Variants in RIC1 observed in about 807,000 individuals in gnomAD.
RIC1 encodes guanine nucleotide exchange factor subunit RIC1.
In RIC1, 88 loss-of-function variants were observed where a neutral mutation model predicts 169.0. That is an observed-to-expected ratio of 0.52 (90% confidence interval 0.44 to 0.62). The LOEUF (loss-of-function observed/expected upper bound fraction) is 0.62, where lower values mean the gene tolerates loss of function less well. RIC1 is among the 20% of genes least tolerant of loss of function. The pLI, the probability that RIC1 is intolerant of heterozygous loss-of-function variation, is 0.00. For synonymous variants in RIC1, 790 were observed against 601.5 expected (o/e 1.31, Z -4.59); for missense variants, 1,877 against 1,725.5 (o/e 1.09, Z -1.56).
chr9:5,690,206 A>G (rs988848980), intron 3 of RIC1, among the ~76,000 whole-genome samples, 168 bp downstream of exon 3: 2 of 152,182 alleles, frequency 1.3e-5, no homozygotes, highest in East Asian at 1.9e-4. Context: ...TCTTGAATAA[A>G]GAATTCTTTA....
At position 5,772,976 on chromosome 9, in the gene RIC1, C is replaced by T; in HGVS notation, c.3879C>T (p.Ile1293=). 1 of 1,613,532 alleles carries T rather than the reference C, an allele frequency of 6.2e-7. No homozygotes were observed. Among genetic ancestry groups the T allele is most frequent in the Non-Finnish European group, 8.5e-7 (1 of 1,179,620 alleles). ...IGLILRESSI[I]NQILVITQSS... ...TGATTCTTAGAGAATCCTCAATAATCAATCAGATTTTGGTTATTACACAGT... is the reference window on the plus strand; with the variant it reads ...TGATTCTTAGAGAATCCTCAATAATTAATCAGATTTTGGTTATTACACAGT... The change falls in exon 25 of 26, where the codon ATC becomes ATT. Residue 1293 remains isoleucine (I), a synonymous_variant. Transcript: ENST00000414202.
At chr9:5,679,602 A>T (rs1820686988) in intron 2 of RIC1, among the ~76,000 whole-genome samples, 1 of 152,066 alleles carries the variant, frequency 6.6e-6, no homozygotes, top group Non-Finnish European at 1.5e-5. Context: ...CTTTGAAGCA[A>T]TTGTGAATGG....
rs369082560 is a variant in RIC1, at chr9:5,659,905, G to A, written c.252+3215G>A. ...GTGGGTTTGTTGCATAGGTAAACAT[G>A]TGCTATGGTGGTTTCCTTGCACAGA... On this transcript the variant is annotated intron_variant, in intron 2 of 25. Transcript: ENST00000414202. 1.9e-4 allele frequency among the ~76,000 whole-genome samples: 29 copies of A among 152,194 alleles called. No homozygotes were observed. The South Asian group carries it at 5.8e-3, about 30-fold the overall frequency.
chr9:5,733,637 G>A (rs1587060214), intron 7 of RIC1, among the ~76,000 whole-genome samples: 1 of 151,956 alleles, frequency 6.6e-6, no homozygotes, highest in South Asian at 2.1e-4. Context: ...TGTAAAGTAG[G>A]GAATCCTCAT....
chr9:5,664,948 T>C (rs1819662993), intron 2 of RIC1, among the ~76,000 whole-genome samples: 2 of 152,260 alleles, frequency 1.3e-5, no homozygotes, highest in Admixed American at 1.3e-4. Flanking sequence ...AGTATGTTTC[T>C]GAGCTCTAAC....
chr9:5,651,650 A>G (rs1586882470), intron 1 of RIC1, among the ~76,000 whole-genome samples: 1 of 130,672 alleles, frequency 7.7e-6, no homozygotes, highest in South Asian at 2.4e-4. Context: ...TTCAACCTCC[A>G]CCTCCTGGGT....
chr9:5,710,608 T>A (rs1233236797), intron 3 of RIC1, among the ~76,000 whole-genome samples: 1 of 152,204 alleles, frequency 6.6e-6, no homozygotes, highest in Non-Finnish European at 1.5e-5. Context: ...GACTAAACAT[T>A]GTTAGCCATT....
At chr9:5,686,569 T>C (rs575537171) in intron 2 of RIC1, among the ~76,000 whole-genome samples, 10 of 141,002 alleles carry the variant, frequency 7.1e-5, no homozygotes, top group Admixed American at 1.6e-4. Context: ...TAGGTGGGAA[T>C]TGAACAATGA....
intron 2 of RIC1, among the ~76,000 whole-genome samples, chr9:5,667,504 C>CTTTTTT (rs1171999345): frequency 1.5e-5 from 2 of 131,206 alleles, no homozygotes; most frequent in East Asian, 2.1e-4. Context: ...CCACCGCCAC[C>CTTTTTT]TTTTTTTTTT....
intron 2 of RIC1, among the ~76,000 whole-genome samples, chr9:5,678,022 A>G (rs1163936893): frequency 1.7e-5 from 2 of 120,026 alleles, no homozygotes; most frequent in Admixed American, 1.9e-4. Flanking sequence ...AACAGTCCCC[A>G]GTGTGTGATG....
At position 5,763,020 on chromosome 9, in the gene RIC1, T is replaced by A; in HGVS notation, c.2113-120T>A. ...AACTCTAATTCTAATTAGATCCCTT[T>A]GCTTTTCCCAAAAAAATATTATACT... On this transcript the variant is annotated intron_variant, in intron 18 of 25. Coordinates refer to ENST00000414202, the MANE Select transcript of RIC1 (RefSeq NM_020829.4). This position sits in a 1 kb window ranked among gnomAD's most constrained non-coding sequence, Gnocchi z 5.2. 8.1e-7 allele frequency: 1 copy of A among 1,228,946 alleles called. No homozygotes were observed. Among genetic ancestry groups the A allele is most frequent in the South Asian group, 1.6e-5 (1 of 62,270 alleles). 76.1% of individuals were successfully genotyped at this position (1,228,946 alleles called of 1,614,324 possible).
intron 2 of RIC1, among the ~76,000 whole-genome samples, chr9:5,664,206 G>T (rs567017004): frequency 3.3e-5 from 5 of 151,644 alleles, no homozygotes; most frequent in African/African-American, 1.2e-4. Context: ...TCAAGAGATC[G>T]ACACCATCCT....
In RIC1 at chr9:5,763,029, C is replaced by T. The variant is rs1826440920; in HGVS notation, c.2113-111C>T. 30 of 1,341,542 alleles carry T rather than the reference C, an allele frequency of 2.2e-5. No homozygotes were observed. Among genetic ancestry groups the T allele is most frequent in the Non-Finnish European group, 2.8e-5 (28 of 998,716 alleles). The allele number at this position is 1,341,542 out of a possible 1,614,324, so 83.1% of individuals were successfully genotyped here. A position where few individuals can be genotyped will look rare whatever the true frequency, so the allele number is the denominator to read the frequency against. ...TCTAATTAGATCCCTTTGCTTTTCC[C>T]AAAAAAATATTATACTATCATTTGA... On this transcript the variant is annotated intron_variant, in intron 18 of 25. Transcript: ENST00000414202. The surrounding 1 kb of genome is among the most constrained non-coding windows in gnomAD (Gnocchi z 5.2).
chr9:5,634,150 G>C (rs904477826), intron 1 of RIC1, among the ~76,000 whole-genome samples: 2 of 152,136 alleles, frequency 1.3e-5, no homozygotes, highest in Non-Finnish European at 1.5e-5. Context: ...AGACACTTAG[G>C]TTGTTTCTGT....
intron 12 of RIC1, among the ~76,000 whole-genome samples, chr9:5,747,795 C>CT (rs5896128): frequency 0.27 from 41,132 of 151,908 alleles, 6,089 homozygotes; most frequent in East Asian, 0.51. Context: ...CTTTCAGCCT[C>CT]TTTTTTTGTA....
At chr9:5,739,243 A>G (rs1403945595) in intron 8 of RIC1, among the ~76,000 whole-genome samples, 1 of 152,120 alleles carries the variant, frequency 6.6e-6, no homozygotes, top group Non-Finnish European at 1.5e-5. Context: ...AGGCATTTCC[A>G]GCTCACTCAC....
chr9:5,645,097 T>TAA (rs142553348), intron 1 of RIC1, among the ~76,000 whole-genome samples: 9 of 149,904 alleles, frequency 6.0e-5, no homozygotes, highest in African/African-American at 2.0e-4. Context: ...TTTGTCCATT[T>TAA]AAAAAAAAAA....
At chr9:5,766,859 A>C (rs1424173384) in intron 21 of RIC1, among the ~76,000 whole-genome samples, 1 of 152,232 alleles carries the variant, frequency 6.6e-6, no homozygotes, top group African/African-American at 2.4e-5. Flanking sequence ...GTAGAACCCC[A>C]GTAGTGAGAT....
chr9:5,648,102 C>T (rs1818621625), intron 1 of RIC1, among the ~76,000 whole-genome samples: 2 of 151,958 alleles, frequency 1.3e-5, no homozygotes, highest in African/African-American at 4.8e-5. Flanking sequence ...TCTGCCTCAG[C>T]CTCCCAAGTA....
Sources: gnomAD v4.1 joint callset for allele counts (sites outside exome capture counted in the v4.1 genomes callset) on GRCh38, gnomAD v4.1.1 for gene constraint, Gnocchi (gnomAD v3.1) non-coding constraint, MANE v1.5 for transcripts, NCBI Gene and HGNC (gene_info 2026-07-23, HGNC 2026-07-21) for gene names.